Variants in CFAP46 observed in about 807,000 individuals in gnomAD.
CFAP46 encodes cilia- and flagella-associated protein 46.
A neutral mutation model predicts 325.7 loss-of-function variants in CFAP46; 245 were observed. The observed-to-expected ratio is 0.75, with a 90% CI of 0.68 to 0.84. The LOEUF (loss-of-function observed/expected upper bound fraction) is 0.84. Ranked by LOEUF, CFAP46 falls within the 40% of genes least tolerant of loss-of-function variation. The pLI, the probability that CFAP46 is intolerant of heterozygous loss-of-function variation, is 0.00. For missense variants in CFAP46, 3,346 were observed against 3,543.0 expected (o/e 0.94, Z 1.41); for synonymous variants, 1,523 against 1,495.9 (o/e 1.02, Z -0.42).
chr10:132,833,222 T>C (rs1302345501), intron 50 of CFAP46, 136 bp downstream of exon 50: 3 of 877,386 alleles, frequency 3.4e-6, no homozygotes, highest in Non-Finnish European at 5.2e-6. Context: ...TATCTTTGAA[T>C]GAATAAATGC....
At chr10:132,848,610 G>A (rs1254994330) in intron 41 of CFAP46, among the ~76,000 whole-genome samples, 2 of 152,238 alleles carry the variant, frequency 1.3e-5, no homozygotes, top group Non-Finnish European at 2.9e-5. Context: ...AAGAGAGGCT[G>A]CGCTTTGTGC....
At chr10:132,840,475 T>C (rs1278949620) in intron 44 of CFAP46, among the ~76,000 whole-genome samples, 3 of 152,264 alleles carry the variant, frequency 2.0e-5, no homozygotes, top group Non-Finnish European at 4.4e-5. Context: ...TTCATTTTTC[T>C]TAGCTGTAAT....
intron 44 of CFAP46, among the ~76,000 whole-genome samples, chr10:132,842,742 G>A (rs761874127): frequency 1.2e-4 from 19 of 152,296 alleles, no homozygotes; most frequent in African/African-American, 1.9e-4. Flanking sequence ...TCAAAGGGCC[G>A]CATCTGATGA....
chr10:132,812,184 G>A (rs1448229115), intron 55 of CFAP46, among the ~76,000 whole-genome samples: 1 of 152,214 alleles, frequency 6.6e-6, no homozygotes, highest in Non-Finnish European at 1.5e-5. Flanking sequence ...CCCTTGGGCC[G>A]TGGCGTGTGA....
At chr10:132,811,691 G>A (rs1193986856) in intron 55 of CFAP46, among the ~76,000 whole-genome samples, 1 of 152,216 alleles carries the variant, frequency 6.6e-6, no homozygotes, top group Non-Finnish European at 1.5e-5. Context: ...GAGCCCTGGC[G>A]AGGCCTCTTC....
chr10:132,904,932 G>A (rs1354406096), intron 22 of CFAP46, among the ~76,000 whole-genome samples: 1 of 152,020 alleles, frequency 6.6e-6, no homozygotes, highest in African/African-American at 2.4e-5. Context: ...TGTGGCCAGT[G>A]ACCGCATGAC....
chr10:132,872,889 C>T, intron 31 of CFAP46, 65 bp from the exon 32 acceptor site: 1 of 1,531,162 alleles, frequency 6.5e-7, no homozygotes, highest in Non-Finnish European at 8.8e-7. Flanking sequence ...GCATAAGGGT[C>T]TTTCCTCAGA....
At chr10:132,820,538 C>T (rs1565034513) in intron 50 of CFAP46, among the ~76,000 whole-genome samples, 10 of 131,514 alleles carry the variant, frequency 7.6e-5, no homozygotes, top group Non-Finnish European at 1.6e-5. Context: ...TGTGTGTGCA[C>T]TGATGTGTGC....
At position 132,886,627 on chromosome 10, in the gene CFAP46, GC is replaced by G. The variant is rs1282351419; in HGVS notation, c.3305-669del. 1.3e-5 allele frequency among the ~76,000 whole-genome samples: 2 copies of G among 152,146 alleles called. No homozygotes were observed. The highest frequency in any genetic ancestry group is 2.9e-5 in the Non-Finnish European group (2 of 68,022). On this transcript the variant is annotated intron_variant, in intron 25 of 57. Transcript: ENST00000368586. This position sits in a 1 kb window ranked among gnomAD's most constrained non-coding sequence, Gnocchi z 5.8. ...GGCGAGCTGCAGATGAACTTGAAGG[GC>G]CCTGAAGAGACGGGGTGAACACAGG... is the stretch of plus-strand genomic sequence containing the variant.
In CFAP46 at chr10:132,919,871, G is replaced by A. The variant is rs534031151; in HGVS notation, c.1730+188C>T. ...TCATAGGCCGTGGCTGTCATCACAG[G>A]CTGGGGGGTCCCGTCTGTGGCGGGA... On this transcript the variant is annotated intron_variant, in intron 14 of 57. Transcript: ENST00000368586. This position sits in a 1 kb window ranked among gnomAD's most constrained non-coding sequence, Gnocchi z 9.7. Among the ~76,000 whole-genome samples, 1 of 152,238 alleles carries A rather than the reference G, an allele frequency of 6.6e-6. No homozygotes were observed. The highest frequency in any genetic ancestry group is 1.9e-4 in the East Asian group (1 of 5,164).
intron 2 of CFAP46, 49 bp downstream of exon 2, chr10:132,941,931 C>T (rs1324044911): frequency 6.5e-7 from 1 of 1,547,054 alleles, no homozygotes. Flanking sequence ...AGAGGCCCTC[C>T]CTCTCCCTGT....
At chr10:132,878,284 C>T (rs1317650907) in intron 29 of CFAP46, among the ~76,000 whole-genome samples, 197 bp from the exon 30 acceptor site, 1 of 152,166 alleles carries the variant, frequency 6.6e-6, no homozygotes, top group Non-Finnish European at 1.5e-5. Flanking sequence ...GGGGTGTGGG[C>T]ACCGGGGGCT....
intron 6 of CFAP46, chr10:132,937,320 A>G (rs1016942824): frequency 7.3e-5 from 41 of 564,528 alleles, no homozygotes; most frequent in Non-Finnish European, 1.2e-4. Context: ...TTAAAGAGCG[A>G]CGATAAAGGC....
intron 22 of CFAP46, among the ~76,000 whole-genome samples, chr10:132,906,263 C>T (rs531020645): frequency 1.4e-3 from 210 of 152,346 alleles, no homozygotes; most frequent in African/African-American, 4.8e-3. Context: ...GGGCTCGCAG[C>T]CTCCTGAGCA....
chr10:132,824,177 CGCTGATGTGTGCTGTGTGAGT>C (rs1248829824), intron 50 of CFAP46, among the ~76,000 whole-genome samples: 16 of 91,964 alleles, frequency 1.7e-4, no homozygotes, highest in Non-Finnish European at 3.1e-4. Flanking sequence ...GCTGTGTGAG[CGCTGATGTGTGCTGTGTGAGT>C]GCTGATGTGT....
At chr10:132,913,753 C>T (rs973162948) in intron 17 of CFAP46, among the ~76,000 whole-genome samples, 5 of 152,144 alleles carry the variant, frequency 3.3e-5, no homozygotes, top group African/African-American at 1.2e-4. Context: ...TCTCTTGTTT[C>T]CGGAAGTCTG....
intron 43 of CFAP46, among the ~76,000 whole-genome samples, chr10:132,846,469 G>A (rs563860944): frequency 1.3e-4 from 20 of 151,538 alleles, no homozygotes; most frequent in Non-Finnish European, 2.2e-4. Context: ...TGTGACTGCC[G>A]GGTCTCTGTG....
chr10:132,848,433 G>A (rs865937574), intron 41 of CFAP46, among the ~76,000 whole-genome samples: 10 of 152,264 alleles, frequency 6.6e-5, no homozygotes, highest in Middle Eastern at 3.4e-3. Context: ...GGTGAGTCGG[G>A]GGGAGGGAGG....
At chr10:132,892,214 A>T in intron 25 of CFAP46, 119 bp downstream of exon 25, 1 of 833,774 alleles carries the variant, frequency 1.2e-6, no homozygotes, top group Non-Finnish European at 1.9e-6. Context: ...ATCTGGAGTT[A>T]CTGCCAAGTG....
Sources: gnomAD v4.1 joint callset for allele counts (sites outside exome capture counted in the v4.1 genomes callset) on GRCh38, gnomAD v4.1.1 for gene constraint, Gnocchi (gnomAD v3.1) non-coding constraint, MANE v1.5 for transcripts, NCBI Gene and HGNC (gene_info 2026-07-23, HGNC 2026-07-21) for gene names.